The following FBXL7 variants were observed in gnomAD, a reference collection of about 807,000 sequenced individuals.
The protein encoded by FBXL7 is F-box and leucine rich repeat protein 7, also known as F-box/LRR-repeat protein 7.
A neutral mutation model predicts 38.3 loss-of-function variants in FBXL7; 12 were observed. The observed-to-expected ratio is 0.31, with a 90% CI of 0.20 to 0.51. The LOEUF is 0.51. Ranked by LOEUF, FBXL7 falls within the 20% of genes least tolerant of loss-of-function variation. FBXL7 has a pLI of 0.98. For synonymous variants in FBXL7, 297 were observed against 300.9 expected (o/e 0.99, Z 0.13); for missense variants, 567 against 676.4 (o/e 0.84, Z 1.79).
At position 15,936,647 on chromosome 5, in the gene FBXL7, G is replaced by T; in HGVS notation, c.937G>T (p.Asp313Tyr). 6.2e-7 allele frequency: 1 copy of T among 1,608,682 alleles called. No homozygotes were observed. The highest frequency in any genetic ancestry group is 8.5e-7 in the Non-Finnish European group (1 of 1,179,756). ...CCTGCGCCGCTGCGTCCGCCTGACC[G>T]ACGAAGGCCTGCGCTACCTGGTGAT... is the stretch of plus-strand genomic sequence containing the variant. Reference protein sequence around the residue: ...LYLRRCVRLTDEGLRYLVIYC... With the variant: ...LYLRRCVRLTYEGLRYLVIYC... The change falls in exon 4 of 4, where the codon GAC (aspartate) becomes TAC (tyrosine). Residue 313 changes from aspartate (D) to tyrosine (Y), a missense_variant. Asp to Tyr is a radical substitution (Grantham distance 160, BLOSUM62 -3). Coordinates refer to ENST00000504595, the MANE Select transcript of FBXL7 (RefSeq NM_012304.5). The surrounding 1 kb of genome is among the most constrained non-coding windows in gnomAD (Gnocchi z 6.0).
At chr5:15,793,960 A>G (rs569046000) in intron 2 of FBXL7, among the ~76,000 whole-genome samples, 1 of 152,332 alleles carries the variant, frequency 6.6e-6, no homozygotes, top group South Asian at 2.1e-4. Flanking sequence ...CACTATGCAC[A>G]CACTTCATCC....
At chr5:15,573,266 T>A (rs1441245328) in intron 1 of FBXL7, among the ~76,000 whole-genome samples, 1 of 152,196 alleles carries the variant, frequency 6.6e-6, no homozygotes, top group Non-Finnish European at 1.5e-5. Context: ...GAGCCTTCCA[T>A]GTCTTTGAGT....
In FBXL7 at chr5:15,776,693, A is replaced by G. The variant is rs568293381; in HGVS notation, c.128-151197A>G. 5.3e-5 allele frequency among the ~76,000 whole-genome samples: 8 copies of G among 152,278 alleles called. No individual in the cohort carries two copies. The South Asian group carries it at 1.0e-3, about 20-fold the overall frequency. On this transcript the variant is annotated intron_variant, in intron 2 of 3. Transcript: ENST00000504595. ...TCTCGCATATGTTTCTTATAACTTC[A>G]TGGCACTAACATCAACACTAGAGAG...
chr5:15,786,322 G>T (rs1376802099), intron 2 of FBXL7, among the ~76,000 whole-genome samples: 1 of 144,522 alleles, frequency 6.9e-6, no homozygotes, highest in Non-Finnish European at 1.5e-5. Flanking sequence ...GTGAAATATA[G>T]AACTTGCCAT....
At chr5:15,701,910 A>G (rs1000999048) in intron 2 of FBXL7, among the ~76,000 whole-genome samples, 1 of 152,194 alleles carries the variant, frequency 6.6e-6, no homozygotes, top group Non-Finnish European at 1.5e-5. Flanking sequence ...AAAGACTCCC[A>G]GATTAACTTA....
At chr5:15,877,351 T>A (rs1740252173) in intron 2 of FBXL7, among the ~76,000 whole-genome samples, 1 of 152,232 alleles carries the variant, frequency 6.6e-6, no homozygotes, top group Non-Finnish European at 1.5e-5. Context: ...ATTGACTTTA[T>A]AATGCAATAT....
intron 2 of FBXL7, among the ~76,000 whole-genome samples, chr5:15,737,247 G>T (rs768070830): frequency 6.6e-6 from 1 of 152,082 alleles, no homozygotes; most frequent in Non-Finnish European, 1.5e-5. Context: ...ACAGCTAATG[G>T]TTTCCATGTG....
At chr5:15,873,252 C>G (rs985428858) in intron 2 of FBXL7, among the ~76,000 whole-genome samples, 6 of 152,168 alleles carry the variant, frequency 3.9e-5, no homozygotes, top group Admixed American at 6.5e-5. Flanking sequence ...CTGTGGGACA[C>G]AGCTAAAGCA....
At chr5:15,894,430 T>C (rs922490205) in intron 2 of FBXL7, among the ~76,000 whole-genome samples, 1 of 152,230 alleles carries the variant, frequency 6.6e-6, no homozygotes, top group African/African-American at 2.4e-5. Flanking sequence ...TTTCAGGGCA[T>C]ATTGAAATAT....
At chr5:15,771,007 T>G (rs984127280) in intron 2 of FBXL7, among the ~76,000 whole-genome samples, 3 of 152,206 alleles carry the variant, frequency 2.0e-5, no homozygotes, top group Admixed American at 6.5e-5. Flanking sequence ...TTAACGGAAT[T>G]TCCACATCTC....
At chr5:15,707,372 T>G (rs1161858508) in intron 2 of FBXL7, among the ~76,000 whole-genome samples, 1 of 152,068 alleles carries the variant, frequency 6.6e-6, no homozygotes, top group African/African-American at 2.4e-5. Context: ...TCATTTTCAG[T>G]AAAGAAACTA....
intron 2 of FBXL7, among the ~76,000 whole-genome samples, chr5:15,648,123 C>A (rs901737413): frequency 3.9e-5 from 6 of 152,226 alleles, no homozygotes; most frequent in Admixed American, 3.9e-4. Context: ...CAAGCCTCTT[C>A]ATTTTCTCAC....
At chr5:15,650,847 T>C (rs1741684680) in intron 2 of FBXL7, among the ~76,000 whole-genome samples, 1 of 152,182 alleles carries the variant, frequency 6.6e-6, no homozygotes, top group Admixed American at 6.5e-5. Context: ...TCTAATTCTC[T>C]TGCTATTTCC....
rs114349346 is a variant in FBXL7, at chr5:15,855,807, C to A, written c.128-72083C>A. Among the ~76,000 whole-genome samples the A allele has an allele frequency of 5.1e-3, 779 of 152,138 alleles. 4 individuals carry two copies. The highest frequency in any genetic ancestry group is 0.018 in the African/African-American group (735 of 41,524). ...TAATTTTTATGTAACAAGGAGAGTT[C>A]CATATTATCCATTTTACAACTAAGG... is the stretch of plus-strand genomic sequence containing the variant. On this transcript the variant is annotated intron_variant, in intron 2 of 3. Transcript: ENST00000504595.
intron 2 of FBXL7, among the ~76,000 whole-genome samples, chr5:15,708,167 T>C (rs1272892598): frequency 2.6e-5 from 4 of 152,226 alleles, no homozygotes; most frequent in Non-Finnish European, 5.9e-5. Context: ...GGATGGTATC[T>C]GGCTACCTTG....
intron 1 of FBXL7, among the ~76,000 whole-genome samples, chr5:15,562,075 G>A (rs1402483791): frequency 6.6e-6 from 1 of 151,976 alleles, no homozygotes; most frequent in Non-Finnish European, 1.5e-5. Context: ...ATATTAACCT[G>A]CAAAAGAATG....
chr5:15,694,647 T>TTCTGTCATTTTGACACC (rs58745284), intron 2 of FBXL7, among the ~76,000 whole-genome samples: 1 of 152,174 alleles, frequency 6.6e-6, no homozygotes, highest in African/African-American at 2.4e-5. Context: ...ATATAAGCTA[T>TTCTGTCATTTTGACACC]TCTGTCATTT....
At chr5:15,552,898 A>AG (rs1738121707) in intron 1 of FBXL7, among the ~76,000 whole-genome samples, 1 of 152,194 alleles carries the variant, frequency 6.6e-6, no homozygotes, top group African/African-American at 2.4e-5. Context: ...CCTGGCCAAC[A>AG]TGGTGAAACC....
At chr5:15,729,094 G>T (rs560249952) in intron 2 of FBXL7, among the ~76,000 whole-genome samples, 15 of 152,198 alleles carry the variant, frequency 9.9e-5, no homozygotes, top group African/African-American at 3.6e-4. Context: ...GTTAATATAT[G>T]ATGTAAATGC....
Sources: gnomAD v4.1 joint callset for allele counts (sites outside exome capture counted in the v4.1 genomes callset) on GRCh38, gnomAD v4.1.1 for gene constraint, Gnocchi (gnomAD v3.1) non-coding constraint, MANE v1.5 for transcripts, NCBI Gene and HGNC (gene_info 2026-07-23, HGNC 2026-07-21) for gene names.